The following ANO2 variants were observed in gnomAD, a reference collection of about 807,000 sequenced individuals.
The protein encoded by ANO2 is anoctamin-2.
ANO2 carries 101 observed loss-of-function variants against 124.2 expected under a neutral mutation model. The observed-to-expected ratio is 0.81, with a 90% CI of 0.69 to 0.96. The LOEUF (loss-of-function observed/expected upper bound fraction) is 0.96, where lower values mean the gene tolerates loss of function less well. Ranked by LOEUF, ANO2 falls within the 40% of genes least tolerant of loss-of-function variation. ANO2 has a pLI of 0.00. For missense variants in ANO2, 1,293 were observed against 1,274.5 expected (o/e 1.01, Z -0.22); for synonymous variants, 486 against 482.5 (o/e 1.01, Z -0.09).
intron 4 of ANO2, among the ~76,000 whole-genome samples, chr12:5,850,900 C>T (rs1364852717): frequency 1.3e-5 from 2 of 152,176 alleles, no homozygotes; most frequent in Non-Finnish European, 2.9e-5. Context: ...ATTTACACAG[C>T]ACTGGTTAAG....
chr12:5,563,440 C>T lies in ANO2; in HGVS notation c.2856G>A (p.Lys952=). ...VDFFLKEEHE[K]LKLMDEPALR... is the part of the protein sequence containing the mutation. ...GAGCCGGCTCATCCATCAGCTTGAG[C>T]TTCTCATGCTCCTCTTTCAGGAAGA... The change falls in exon 25 of 25, where the codon AAG becomes AAA. Residue 952 remains lysine (K), a synonymous_variant. Coordinates refer to ENST00000682330, the MANE Select transcript of ANO2 (RefSeq NM_001364791.2). 6.2e-7 allele frequency: 1 copy of T among 1,613,670 alleles called. No individual in the cohort carries two copies. The highest frequency in any genetic ancestry group is 1.3e-5 in the African/African-American group (1 of 75,060).
intron 11 of ANO2, among the ~76,000 whole-genome samples, chr12:5,748,359 A>G (rs757839010): frequency 1.4e-4 from 22 of 152,308 alleles, no homozygotes; most frequent in Non-Finnish European, 2.8e-4. Flanking sequence ...CACAACTGGC[A>G]AGGGAAACCC....
At chr12:5,586,789 C>G (rs116482900) in intron 20 of ANO2, among the ~76,000 whole-genome samples, 3 of 152,066 alleles carry the variant, frequency 2.0e-5, no homozygotes, top group Non-Finnish European at 4.4e-5. Context: ...TTTAAGTCAC[C>G]GGGACTCTGG....
rs942762189 is a variant in ANO2 at position 5,896,112 on chromosome 12, T to C, written c.534+24928A>G. 5.3e-5 allele frequency among the ~76,000 whole-genome samples: 8 copies of C among 152,176 alleles called. No individual in the cohort carries two copies. In the East Asian group the frequency reaches 1.4e-3, roughly 26 times the overall value. ...ACACAAAGACATAGGAATCATATAA[T>C]GGACTTTGGGGACTGGAAGGGGGGT... On this transcript the variant is annotated intron_variant, in intron 3 of 24. Coordinates refer to ENST00000682330, the MANE Select transcript of ANO2 (RefSeq NM_001364791.2).
chr12:5,895,530 A>G (rs1487869079), intron 3 of ANO2, among the ~76,000 whole-genome samples: 1 of 152,172 alleles, frequency 6.6e-6, no homozygotes, highest in African/African-American at 2.4e-5. Flanking sequence ...AACATATGAA[A>G]AAATGTTCAA....
chr12:5,773,357 A>G (rs2137123342), intron 10 of ANO2, among the ~76,000 whole-genome samples: 1 of 152,310 alleles, frequency 6.6e-6, no homozygotes, highest in Non-Finnish European at 1.5e-5. Context: ...GTTAGAAACT[A>G]CTTGTCTGTT....
chr12:5,582,437 G>C (rs1280976190), intron 20 of ANO2, among the ~76,000 whole-genome samples: 2 of 152,158 alleles, frequency 1.3e-5, no homozygotes, highest in East Asian at 3.8e-4. Flanking sequence ...CCTGAGTTTA[G>C]GTTAAAATAA....
intron 22 of ANO2, among the ~76,000 whole-genome samples, chr12:5,576,778 A>G (rs1591652595): frequency 6.6e-6 from 1 of 152,244 alleles, no homozygotes; most frequent in African/African-American, 2.4e-5. Flanking sequence ...TGCACCAACA[A>G]TTAAAGCCCT....
intron 3 of ANO2, among the ~76,000 whole-genome samples, chr12:5,912,002 C>T (rs372695557): frequency 7.2e-5 from 11 of 152,204 alleles, no homozygotes; most frequent in East Asian, 3.9e-4. Context: ...CCGTGACATT[C>T]GTTGAGCCAT....
At chr12:5,700,390 A>C (rs1267647382) in intron 14 of ANO2, among the ~76,000 whole-genome samples, 1 of 152,242 alleles carries the variant, frequency 6.6e-6, no homozygotes, top group Non-Finnish European at 1.5e-5. Flanking sequence ...CTTTGAAACC[A>C]ATGAGAACAA....
At chr12:5,923,066 A>C (rs1159334028) in intron 1 of ANO2, among the ~76,000 whole-genome samples, 4 of 111,270 alleles carry the variant, frequency 3.6e-5, no homozygotes, top group Admixed American at 9.6e-5. Flanking sequence ...CCACATACAC[A>C]CACACATGCA....
intron 14 of ANO2, among the ~76,000 whole-genome samples, chr12:5,659,143 G>A (rs1031291999): frequency 6.6e-6 from 1 of 152,142 alleles, no homozygotes; most frequent in Non-Finnish European, 1.5e-5. Context: ...AGCTTTCAAG[G>A]CCTCTCACAA....
chr12:5,763,978 T>C (rs1384755121), intron 10 of ANO2, among the ~76,000 whole-genome samples: 1 of 152,224 alleles, frequency 6.6e-6, no homozygotes, highest in African/African-American at 2.4e-5. Flanking sequence ...AGTACAGTTC[T>C]TGTTTATTCA....
At chr12:5,672,593 GTGTGTGCACATGCA>G (rs990542653) in intron 14 of ANO2, among the ~76,000 whole-genome samples, 6 of 50,668 alleles carry the variant, frequency 1.2e-4, no homozygotes, top group East Asian at 1.1e-3. Flanking sequence ...GTGTGTGTGT[GTGTGTGCACATGCA>G]TGTGTGTGTG....
chr12:5,628,834 C>T (rs941207693), intron 16 of ANO2, among the ~76,000 whole-genome samples: 4 of 152,348 alleles, frequency 2.6e-5, no homozygotes, highest in Admixed American at 2.6e-4. Flanking sequence ...TTCTAAACCT[C>T]TTCAGCCTTC....
At chr12:5,718,411 G>A (rs1950099657) in intron 14 of ANO2, among the ~76,000 whole-genome samples, 1 of 152,206 alleles carries the variant, frequency 6.6e-6, no homozygotes, top group South Asian at 2.1e-4. Flanking sequence ...ACAAGGGTTT[G>A]GAGCATGTTC....
intron 10 of ANO2, among the ~76,000 whole-genome samples, chr12:5,785,125 C>A (rs542762769): frequency 6.6e-6 from 1 of 152,236 alleles, no homozygotes; most frequent in East Asian, 1.9e-4. Context: ...CTCCAGCAGG[C>A]CCAGACAGTG....
chr12:5,778,613 T>C (rs1952297839), intron 10 of ANO2, among the ~76,000 whole-genome samples: 1 of 152,208 alleles, frequency 6.6e-6, no homozygotes, highest in Admixed American at 6.5e-5. Flanking sequence ...TCTTTAGTGT[T>C]AGTATTACAT....
At chr12:5,602,493 A>G (rs1297406260) in intron 19 of ANO2, among the ~76,000 whole-genome samples, 2 of 152,152 alleles carry the variant, frequency 1.3e-5, no homozygotes, top group Non-Finnish European at 2.9e-5. Context: ...GGCTCAGATG[A>G]TCCACCCACT....
Sources: allele counts gnomAD v4.1 joint callset (sites outside exome capture counted in the v4.1 genomes callset), GRCh38; gene constraint gnomAD v4.1.1; transcripts MANE v1.5; gene names NCBI Gene and HGNC (gene_info 2026-07-23, HGNC 2026-07-21).